Variants in DAPK1 observed in about 807,000 individuals in gnomAD.
The protein encoded by DAPK1 is death-associated protein kinase 1.
Under a neutral mutation model 144.9 loss-of-function variants are expected in DAPK1, and 56 were observed. The ratio of observed to expected loss-of-function variants is 0.39; its 90% CI spans 0.31 to 0.48. The LOEUF is 0.48. DAPK1 is among the 20% of genes least tolerant of loss of function. The pLI is 0.95. For synonymous variants in DAPK1, 690 were observed against 749.0 expected, an observed-to-expected ratio of 0.92 and a Z score of 1.29; for missense variants, 1,454 against 1,875.4, an observed-to-expected ratio of 0.78 and a Z score of 4.15.
intron 3 of DAPK1, among the ~76,000 whole-genome samples, chr9:87,613,017 C>T (rs1051839859): frequency 6.6e-6 from 1 of 152,166 alleles, no homozygotes; most frequent in African/African-American, 2.4e-5. Flanking sequence ...AAATGTCTCC[C>T]CTTATTTGTT....
chr9:87,645,858 A>T, intron 11 of DAPK1, 37 bp from the exon 12 acceptor site: 1 of 1,609,654 alleles, frequency 6.2e-7, no homozygotes, highest in South Asian at 1.1e-5. Flanking sequence ...ATGGCTAGCA[A>T]TGTAACTCTG....
intron 1 of DAPK1, 96 bp from the exon 2 acceptor site, chr9:87,498,874 G>C (rs369640300): frequency 5.5e-5 from 28 of 507,226 alleles, no homozygotes; most frequent in Middle Eastern, 5.4e-4. Context: ...CCGGAGACCC[G>C]GTCTTCAGCG....
intron 2 of DAPK1, among the ~76,000 whole-genome samples, chr9:87,547,566 GGA>G (rs3031521): frequency 0.35 from 40,824 of 117,572 alleles, 5,782 homozygotes; most frequent in East Asian, 0.48. Context: ...AAGTGTGTGT[GGA>G]GAGAGAGAGA....
At chr9:87,655,418 C>T (rs1025282608) in intron 17 of DAPK1, among the ~76,000 whole-genome samples, 2 of 151,998 alleles carry the variant, frequency 1.3e-5, no homozygotes, top group South Asian at 2.1e-4. Context: ...AGCACAGGTA[C>T]GTAACAGAAG....
At chr9:87,552,957 C>T (rs148725088) in intron 2 of DAPK1, among the ~76,000 whole-genome samples, 294 of 152,230 alleles carry the variant, frequency 1.9e-3, no homozygotes, top group South Asian at 3.7e-3. Context: ...AGAACATTCA[C>T]GTTGTGTTGC....
intron 3 of DAPK1, among the ~76,000 whole-genome samples, chr9:87,617,900 T>G (rs938756716): frequency 1.3e-5 from 2 of 152,238 alleles, no homozygotes; most frequent in African/African-American, 4.8e-5. Context: ...TTGCTCAGAC[T>G]GGGAAGCTTG....
intron 2 of DAPK1, among the ~76,000 whole-genome samples, chr9:87,603,890 T>G (rs1281726132): frequency 1.3e-5 from 2 of 152,206 alleles, no homozygotes; most frequent in Non-Finnish European, 2.9e-5. Context: ...GTCTTTAATA[T>G]ATGGGAAAGG....
chr9:87,573,418 C>T (rs904727653), intron 2 of DAPK1, among the ~76,000 whole-genome samples: 2 of 152,188 alleles, frequency 1.3e-5, no homozygotes, highest in Non-Finnish European at 2.9e-5. Flanking sequence ...GCTTTCTGTT[C>T]ATTGCACACA....
At chr9:87,611,399 C>T (rs189478652) in intron 3 of DAPK1, among the ~76,000 whole-genome samples, 23 of 152,290 alleles carry the variant, frequency 1.5e-4, no homozygotes, top group Admixed American at 9.1e-4. Flanking sequence ...GCTTCTCCTG[C>T]GTCAGCCTCC....
intron 2 of DAPK1, among the ~76,000 whole-genome samples, chr9:87,536,249 T>C (rs937484998): frequency 1.3e-5 from 2 of 152,186 alleles, no homozygotes; most frequent in African/African-American, 4.8e-5. Flanking sequence ...TGGTTTGTTC[T>C]TGGACCCACA....
chr9:87,694,364 G>C (rs947111407), intron 21 of DAPK1, among the ~76,000 whole-genome samples: 2 of 152,170 alleles, frequency 1.3e-5, no homozygotes, highest in Non-Finnish European at 2.9e-5. Context: ...GTGATCCCCA[G>C]GTCCCCAGAC....
chr9:87,538,516 C>T (rs145010194), intron 2 of DAPK1, among the ~76,000 whole-genome samples: 2 of 152,272 alleles, frequency 1.3e-5, no homozygotes, highest in African/African-American at 4.8e-5. Context: ...CTTTGAAAGG[C>T]CTTTAACTGA....
At chr9:87,589,810 A>G (rs954825130) in intron 2 of DAPK1, among the ~76,000 whole-genome samples, 4 of 152,296 alleles carry the variant, frequency 2.6e-5, no homozygotes, top group Non-Finnish European at 4.4e-5. Flanking sequence ...CAGGGCCAGG[A>G]TGTCCTGAAA....
At chr9:87,572,673 C>G (rs11141900) in intron 2 of DAPK1, among the ~76,000 whole-genome samples, 47,004 of 151,994 alleles carry the variant, frequency 0.31, 7,592 homozygotes, top group South Asian at 0.43. Flanking sequence ...ACTTCACCAT[C>G]CACCAAGAGT....
At chr9:87,530,818 C>T (rs549500580) in intron 2 of DAPK1, among the ~76,000 whole-genome samples, 1 of 152,230 alleles carries the variant, frequency 6.6e-6, no homozygotes, top group East Asian at 1.9e-4. Context: ...TCCAAAGAAA[C>T]CCCCAAGGGC....
At chr9:87,641,144 T>G (rs1177086162) in intron 9 of DAPK1, among the ~76,000 whole-genome samples, 1 of 152,216 alleles carries the variant, frequency 6.6e-6, no homozygotes, top group African/African-American at 2.4e-5. Flanking sequence ...TTTAACATTT[T>G]ATGTTGATTC....
chr9:87,687,374 G>A (rs958319268), intron 21 of DAPK1, among the ~76,000 whole-genome samples: 1 of 152,142 alleles, frequency 6.6e-6, no homozygotes, highest in African/African-American at 2.4e-5. Context: ...ACATGTGAAT[G>A]AGAACATGCA....
chr9:87,653,438 CAG>C (rs1240629158), intron 17 of DAPK1, among the ~76,000 whole-genome samples: 17 of 152,250 alleles, frequency 1.1e-4, no homozygotes, highest in Non-Finnish European at 2.4e-4. Context: ...CATAGATAAA[CAG>C]AAAATTATTA....
At chr9:87,627,809 A>G (rs893867746) in intron 3 of DAPK1, among the ~76,000 whole-genome samples, 1 of 152,142 alleles carries the variant, frequency 6.6e-6, no homozygotes, top group African/African-American at 2.4e-5. Flanking sequence ...CAGAAGCTTC[A>G]AGGGTTTCTC....
Sources: allele counts gnomAD v4.1 joint callset (sites outside exome capture counted in the v4.1 genomes callset), GRCh38; gene constraint gnomAD v4.1.1; transcripts MANE v1.5; gene names NCBI Gene and HGNC (gene_info 2026-07-23, HGNC 2026-07-21).